Variants in ANO3 observed in about 807,000 individuals in gnomAD.
The protein encoded by ANO3 is anoctamin 3.
ANO3 carries 99 observed loss-of-function variants against 144.8 expected under a neutral mutation model. The ratio of observed to expected loss-of-function variants is 0.68; its 90% CI spans 0.58 to 0.81. The LOEUF is 0.81. Among genes scored for constraint, ANO3 ranks in the 30% least tolerant of loss-of-function variants. The probability of loss-of-function intolerance (pLI) is 0.00; values close to 1 mark genes in which losing one functional copy is unlikely to be tolerated. For synonymous variants in ANO3, 414 were observed against 392.6 expected (o/e 1.05, Z -0.64); for missense variants, 905 against 1,202.2 (o/e 0.75, Z 3.66).
intron 1 of ANO3, among the ~76,000 whole-genome samples, chr11:26,326,379 C>A (rs1488922874): frequency 6.6e-6 from 1 of 152,102 alleles, no homozygotes; most frequent in Non-Finnish European, 1.5e-5. Flanking sequence ...CCCATCTCCT[C>A]CATCTAGACT....
chr11:26,210,612 T>C (rs11029390), intron 1 of ANO3, among the ~76,000 whole-genome samples: 1,674 of 152,298 alleles, frequency 0.011, 29 homozygotes, highest in African/African-American at 0.038. Flanking sequence ...TTCCTATCCA[T>C]GAGCATGGAA....
intron 17 of ANO3, among the ~76,000 whole-genome samples, chr11:26,603,583 G>A (rs113039519): frequency 2.0e-5 from 3 of 152,066 alleles, no homozygotes; most frequent in African/African-American, 7.2e-5. Context: ...CTATTAAAAT[G>A]CTCTTTGAAT....
intron 17 of ANO3, among the ~76,000 whole-genome samples, chr11:26,619,816 A>G (rs1852364920): frequency 6.6e-6 from 1 of 152,218 alleles, no homozygotes; most frequent in Non-Finnish European, 1.5e-5. Flanking sequence ...TTGTTGGGCT[A>G]AGAAATCTAT....
At chr11:26,573,224 G>T (rs757038859) in intron 14 of ANO3, among the ~76,000 whole-genome samples, 1 of 152,154 alleles carries the variant, frequency 6.6e-6, no homozygotes, top group African/African-American at 2.4e-5. Context: ...AATCTGCCCA[G>T]TTAATTGGCC....
chr11:26,200,160 T>C lies in ANO3; in HGVS notation c.154+10830T>C, dbSNP rs369410639. On this transcript the variant is annotated intron_variant, in intron 1 of 27. Transcript: ENST00000672621. Reference sequence around the variant, plus strand: ...AAAAGAAACAGAGCCGAGATTGCTTTTACTGTAATGTTGGAGCATAAATCA... The same window carrying C: ...AAAAGAAACAGAGCCGAGATTGCTTCTACTGTAATGTTGGAGCATAAATCA... Among the ~76,000 whole-genome samples the C allele has an allele frequency of 7.0e-4, 107 of 152,252 alleles. 1 individual carries two copies. The highest frequency in any genetic ancestry group is 3.4e-3 in the Middle Eastern group (1 of 294).
chr11:26,195,952 T>C (rs917188170), intron 1 of ANO3, among the ~76,000 whole-genome samples: 1 of 152,204 alleles, frequency 6.6e-6, no homozygotes, highest in Non-Finnish European at 1.5e-5. Context: ...AGAATACACA[T>C]TTAATGGGTG....
chr11:26,291,236 CTTT>C (rs1016953465), intron 1 of ANO3, among the ~76,000 whole-genome samples: 1 of 151,826 alleles, frequency 6.6e-6, no homozygotes, highest in Non-Finnish European at 1.5e-5. Flanking sequence ...GCAACCCTTG[CTTT>C]TTTTTGTTTT....
chr11:26,395,997 T>G (rs1396984504), intron 1 of ANO3, among the ~76,000 whole-genome samples: 1 of 152,086 alleles, frequency 6.6e-6, no homozygotes, highest in Non-Finnish European at 1.5e-5. Context: ...ATCATCAGAA[T>G]GAACAGGCAA....
At chr11:26,592,395 T>C (rs918264772) in intron 14 of ANO3, among the ~76,000 whole-genome samples, 2 of 151,994 alleles carry the variant, frequency 1.3e-5, no homozygotes, top group African/African-American at 4.8e-5. Context: ...ACTGAAGCCT[T>C]GAAAGCGGTG....
intron 4 of ANO3, among the ~76,000 whole-genome samples, chr11:26,473,542 A>C (rs879496656): frequency 3.9e-5 from 6 of 151,914 alleles, no homozygotes; most frequent in Non-Finnish European, 8.8e-5. Context: ...AAACCAGAAA[A>C]AAAAATTACA....
intron 14 of ANO3, among the ~76,000 whole-genome samples, chr11:26,578,477 A>C (rs1319201862): frequency 6.6e-6 from 1 of 152,178 alleles, no homozygotes; most frequent in Non-Finnish European, 1.5e-5. Context: ...AGGGATACAA[A>C]AGGCTTTGCC....
intron 17 of ANO3, 140 bp from the exon 18 acceptor site, chr11:26,624,320 TAA>T (rs1256419422): frequency 2.1e-5 from 12 of 580,886 alleles, no homozygotes; most frequent in Non-Finnish European, 3.4e-5. Flanking sequence ...CCTTACATAC[TAA>T]GTTTCAATAA....
chr11:26,531,732 CAT>C (rs200129527), intron 8 of ANO3, among the ~76,000 whole-genome samples: 3,351 of 152,034 alleles, frequency 0.022, 64 homozygotes, highest in Non-Finnish European at 0.035. Context: ...CTTCAATTAA[CAT>C]ATATTTATTA....
At chr11:26,554,024 C>T (rs1186663392) in intron 13 of ANO3, among the ~76,000 whole-genome samples, 1 of 151,998 alleles carries the variant, frequency 6.6e-6, no homozygotes, top group South Asian at 2.1e-4. Context: ...CCTGTGAAAC[C>T]GTTAGCATAA....
chr11:26,217,607 T>C (rs1442851474), intron 1 of ANO3, among the ~76,000 whole-genome samples: 1 of 152,044 alleles, frequency 6.6e-6, no homozygotes, highest in South Asian at 2.1e-4. Context: ...TAATAATGCA[T>C]ATACATAGGG....
chr11:26,245,761 C>T (rs1852776634), intron 1 of ANO3, among the ~76,000 whole-genome samples: 1 of 152,058 alleles, frequency 6.6e-6, no homozygotes, highest in African/African-American at 2.4e-5. Flanking sequence ...CGATTGGGTA[C>T]AGATGTTTAT....
At chr11:26,396,905 C>T (rs57303422) in intron 1 of ANO3, among the ~76,000 whole-genome samples, 10,474 of 151,646 alleles carry the variant, frequency 0.069, 643 homozygotes, top group African/African-American at 0.16. Context: ...AACAAACCTG[C>T]ACGTTCTGCA....
intron 1 of ANO3, among the ~76,000 whole-genome samples, chr11:26,441,179 G>A (rs1051987829): frequency 7.0e-6 from 1 of 142,084 alleles, no homozygotes; most frequent in East Asian, 2.1e-4. Context: ...GTGCAGTGGC[G>A]GGATCTCGGC....
At position 26,190,983 on chromosome 11, in the gene ANO3, A is replaced by G. The variant is rs116331321; in HGVS notation, c.154+1653A>G. ...TTTGTATGCATATTGGTTAATATCTATCTTCTCTACCTCTATCTCCACCAT... is the reference window on the plus strand; with the variant it reads ...TTTGTATGCATATTGGTTAATATCTGTCTTCTCTACCTCTATCTCCACCAT... On this transcript the variant is annotated intron_variant, in intron 1 of 27. Coordinates refer to the ANO3 transcript ENST00000672621. Among the ~76,000 whole-genome samples the G allele has an allele frequency of 3.6e-3, 543 of 152,296 alleles. 4 individuals are homozygous for G. The highest frequency in any genetic ancestry group is 0.013 in the African/African-American group (521 of 41,576).
Sources: allele counts gnomAD v4.1 joint callset (sites outside exome capture counted in the v4.1 genomes callset), GRCh38; gene constraint gnomAD v4.1.1; transcripts MANE v1.5; gene names NCBI Gene and HGNC (gene_info 2026-07-23, HGNC 2026-07-21).